COL24A1: variants seen among roughly 807,000 people sequenced by gnomAD.
COL24A1 encodes collagen type XXIV alpha 1 chain, also known as collagen alpha-1(XXIV) chain.
In COL24A1, 224 loss-of-function variants were observed where a neutral mutation model predicts 253.9. The observed-to-expected ratio is 0.88, with a 90% confidence interval of 0.79 to 0.99. COL24A1 has a LOEUF of 0.99. Among genes scored for constraint, COL24A1 ranks in the 50% least tolerant of loss-of-function variants. COL24A1 has a pLI of 0.00. For missense variants in COL24A1, 2,131 were observed against 2,068.5 expected, an observed-to-expected ratio of 1.03 and a Z score of -0.59; for synonymous variants, 685 against 673.7, an observed-to-expected ratio of 1.02 and a Z score of -0.26.
At chr1:85,924,928 G>A (rs1340048769) in intron 24 of COL24A1, among the ~76,000 whole-genome samples, 4 of 152,248 alleles carry the variant, frequency 2.6e-5, no homozygotes, top group African/African-American at 4.8e-5. Context: ...AAACTCCATC[G>A]TCTCAGCCCC....
At chr1:85,874,616 A>G in intron 35 of COL24A1, 33 bp downstream of exon 35, 1 of 1,596,616 alleles carries the variant, frequency 6.3e-7, no homozygotes, top group Non-Finnish European at 8.6e-7. Context: ...GAAGTGGGTT[A>G]GTGTATTAAA....
At chr1:86,008,205 A>G (rs1019919052) in intron 19 of COL24A1, among the ~76,000 whole-genome samples, 4 of 152,220 alleles carry the variant, frequency 2.6e-5, no homozygotes, top group African/African-American at 7.2e-5. Flanking sequence ...GACAAAATAT[A>G]ATAATGATCC....
At chr1:85,799,613 T>C (rs1418934162) in intron 47 of COL24A1, among the ~76,000 whole-genome samples, 1 of 152,204 alleles carries the variant, frequency 6.6e-6, no homozygotes, top group African/African-American at 2.4e-5. Context: ...TATAAAGCAC[T>C]ATAATTCTAA....
rs1665665845 is a variant in COL24A1 at position 85,749,752 on chromosome 1, C to A, written c.4438-4246G>T. Reference sequence around the variant, plus strand: ...GTGAAGAATGCAGAAGCCTCAGGAGCTGATGCGATCAACTGGAAGAAAGGG... The same window carrying A: ...GTGAAGAATGCAGAAGCCTCAGGAGATGATGCGATCAACTGGAAGAAAGGG... On this transcript the variant is annotated intron_variant, in intron 55 of 59. Transcript: ENST00000370571. Among the ~76,000 whole-genome samples the A allele has an allele frequency of 1.4e-4, 2 of 14,230 alleles. 1 individual carries two copies. The highest frequency in any genetic ancestry group is 1.9e-3 in the Admixed American group (2 of 1,076). The allele number at this position is 14,230 out of a possible 152,430, so 9.3% of individuals were successfully genotyped here.
At chr1:86,103,562 G>A (rs547742605) in intron 5 of COL24A1, among the ~76,000 whole-genome samples, 2 of 152,296 alleles carry the variant, frequency 1.3e-5, no homozygotes, top group East Asian at 3.9e-4. Flanking sequence ...GCTCTTGTAA[G>A]GCAGGTCTGA....
chr1:85,923,485 G>A (rs552297596), intron 24 of COL24A1, among the ~76,000 whole-genome samples: 1 of 152,282 alleles, frequency 6.6e-6, no homozygotes, highest in East Asian at 1.9e-4. Flanking sequence ...AGACCACAGT[G>A]CAATCAAATT....
At chr1:85,920,819 T>C (rs556578654) in intron 24 of COL24A1, among the ~76,000 whole-genome samples, 9 of 151,930 alleles carry the variant, frequency 5.9e-5, no homozygotes, top group African/African-American at 1.9e-4. Flanking sequence ...GATTTGTGTC[T>C]CCATAGAACA....
chr1:86,005,337 T>G (rs617653), intron 19 of COL24A1, among the ~76,000 whole-genome samples: 27,478 of 149,414 alleles, frequency 0.18, 3,129 homozygotes, highest in African/African-American at 0.32. Flanking sequence ...ATATATTAGG[T>G]AAAAAAGAAA....
At position 86,151,041 on chromosome 1, in the gene COL24A1, G is replaced by GGTGT. The variant is rs202137725; in HGVS notation, c.57-4862_57-4859dup. 9.9e-5 allele frequency among the ~76,000 whole-genome samples: 15 copies of GGTGT among 150,758 alleles called. No homozygotes were observed. In the South Asian group the frequency reaches 2.7e-3, roughly 27 times the overall value. On this transcript the variant is annotated intron_variant, in intron 1 of 59. Transcript: ENST00000370571. ...TACTTAGCAAAATGTTATATATATAGGTGTGTGTGTGTGTGTATACACATA... is the reference window on the plus strand; with the variant it reads ...TACTTAGCAAAATGTTATATATATAGGTGTGTGTGTGTGTGTGTGTATACACATA...
At chr1:85,915,563 G>T (rs1685813697) in intron 24 of COL24A1, among the ~76,000 whole-genome samples, 1 of 152,118 alleles carries the variant, frequency 6.6e-6, no homozygotes, top group South Asian at 2.1e-4. Context: ...TCAAATCTGA[G>T]CAGGAAAAAT....
chr1:86,134,400 G>A (rs1170303350), intron 2 of COL24A1, among the ~76,000 whole-genome samples: 5 of 151,334 alleles, frequency 3.3e-5, no homozygotes, highest in Non-Finnish European at 4.4e-5. Context: ...GCTTTTGAAT[G>A]TGTTTGCTCT....
intron 37 of COL24A1, among the ~76,000 whole-genome samples, chr1:85,861,432 C>T (rs1679138493): frequency 1.3e-5 from 2 of 151,986 alleles, no homozygotes; most frequent in Admixed American, 6.6e-5. Context: ...TGATTGTGTC[C>T]TATGAACCAA....
At chr1:86,136,150 T>C (rs1650219267) in intron 2 of COL24A1, among the ~76,000 whole-genome samples, 1 of 152,138 alleles carries the variant, frequency 6.6e-6, no homozygotes, top group Non-Finnish European at 1.5e-5. Context: ...AATGAATCCT[T>C]CATCTCAGTG....
chr1:86,061,041 GA>G (rs1282248337), intron 8 of COL24A1, among the ~76,000 whole-genome samples: 1 of 151,816 alleles, frequency 6.6e-6, no homozygotes, highest in African/African-American at 2.4e-5. Context: ...TGAGAGATGA[GA>G]AAAAATGAGA....
intron 28 of COL24A1, among the ~76,000 whole-genome samples, chr1:85,904,102 T>C (rs907539320): frequency 7.9e-5 from 12 of 152,282 alleles, no homozygotes; most frequent in Admixed American, 2.6e-4. Context: ...TCAATTTTAC[T>C]TCCTCCATAG....
chr1:85,882,337 G>A (rs1030406382), intron 32 of COL24A1, among the ~76,000 whole-genome samples: 1 of 152,234 alleles, frequency 6.6e-6, no homozygotes, highest in East Asian at 1.9e-4. Context: ...GGTGGCGGGC[G>A]CCTGTAGTCC....
chr1:86,071,568 A>G (rs1410342071), intron 7 of COL24A1, among the ~76,000 whole-genome samples: 1 of 152,212 alleles, frequency 6.6e-6, no homozygotes. Context: ...TTCCATGCCA[A>G]TGGAAACGAA....
At chr1:85,881,470 A>AAC (rs1276431760) in intron 32 of COL24A1, among the ~76,000 whole-genome samples, 1 of 151,768 alleles carries the variant, frequency 6.6e-6, no homozygotes, top group Non-Finnish European at 1.5e-5. Flanking sequence ...TACAAAAAAA[A>AAC]AAAAATTAGC....
chr1:85,847,766 T>C lies in COL24A1; in HGVS notation c.3361A>G (p.Lys1121Glu). ...QRGRPGKKGD[K>E]GQIGPTGEVG... ...TCTCCTGTGGGTCCTATTTGTCCTT[T>C]ATCACCCTGTGGATGACATTATTAA... Residue 1121 changes from lysine (K) to glutamate (E), a missense_variant, in exon 39 of 60, where the codon AAA becomes GAA. Lys to Glu is a moderately conservative substitution (Grantham distance 56). Coordinates refer to ENST00000370571, the MANE Select transcript of COL24A1 (RefSeq NM_152890.7). The C allele has an allele frequency of 6.2e-7, 1 of 1,610,894 alleles. No homozygotes were observed. The highest frequency in any genetic ancestry group is 8.5e-7 in the Non-Finnish European group (1 of 1,177,286).
Sources: allele counts gnomAD v4.1 joint callset (sites outside exome capture counted in the v4.1 genomes callset), GRCh38; gene constraint gnomAD v4.1.1; transcripts MANE v1.5; gene names NCBI Gene and HGNC (gene_info 2026-07-23, HGNC 2026-07-21).